Variants in DNAJC6 observed in about 807,000 individuals in gnomAD.
DNAJC6 encodes the protein auxilin.
A neutral mutation model predicts 110.0 loss-of-function variants in DNAJC6; 34 were observed. That is an observed-to-expected ratio of 0.31 (90% CI 0.24 to 0.41). The LOEUF (loss-of-function observed/expected upper bound fraction) is 0.41. Among genes scored for constraint, DNAJC6 ranks in the 10% least tolerant of loss-of-function variants. DNAJC6 has a pLI of 1.00. For synonymous variants in DNAJC6, 406 were observed against 437.2 expected (o/e 0.93, Z 0.89); for missense variants, 1,031 against 1,207.8 (o/e 0.85, Z 2.17).
At chr1:65,333,033 G>A (rs1226029290) in intron 1 of DNAJC6, among the ~76,000 whole-genome samples, 2 of 152,132 alleles carry the variant, frequency 1.3e-5, no homozygotes, top group African/African-American at 4.8e-5. Flanking sequence ...GCTTCCACTG[G>A]CCACAATCCA....
At chr1:65,351,959 T>C (rs1039570505) in intron 1 of DNAJC6, among the ~76,000 whole-genome samples, 2 of 151,950 alleles carry the variant, frequency 1.3e-5, no homozygotes, top group Non-Finnish European at 2.9e-5. Flanking sequence ...AGAGACGGGG[T>C]TTCACCATGT....
chr1:65,285,423 G>T (rs1232347617), intron 1 of DNAJC6, among the ~76,000 whole-genome samples: 1 of 152,106 alleles, frequency 6.6e-6, no homozygotes, highest in South Asian at 2.1e-4. Flanking sequence ...CTTTGTCAAA[G>T]ACCCTTTCCC....
At chr1:65,306,828 G>A (rs866237938), upstream of DNAJC6, among the ~76,000 whole-genome samples, 35 of 152,002 alleles carry the variant, frequency 2.3e-4, no homozygotes, top group Middle Eastern at 6.8e-3. Flanking sequence ...GATATCCCTG[G>A]AAAAAATAAT....
rs528962488 is a variant in DNAJC6, at chr1:65,412,872, T to G, written c.2812-52T>G. On this transcript the variant is annotated intron_variant, in intron 18 of 18. Transcript: ENST00000371069. Reference sequence around the variant, plus strand: ...ATATTGGCAGTGAAAAATTTAATATTAATGAAATTTTGGTCTGTGGTATCT... The same window carrying G: ...ATATTGGCAGTGAAAAATTTAATATGAATGAAATTTTGGTCTGTGGTATCT... The G allele has an allele frequency of 5.6e-6, 8 of 1,431,472 alleles. 1 individual carries two copies. The East Asian group carries it at 1.8e-4, about 33-fold the overall frequency. 88.7% of individuals were successfully genotyped at this position (1,431,472 alleles called of 1,614,324 possible).
At chr1:65,273,310 T>G (rs1653565371) in intron 1 of DNAJC6, among the ~76,000 whole-genome samples, 1 of 152,166 alleles carries the variant, frequency 6.6e-6, no homozygotes, top group African/African-American at 2.4e-5. Context: ...TTAATATCCT[T>G]TAAGCCGGCC....
At chr1:65,312,902 C>A (rs1645114300) in intron 1 of DNAJC6, among the ~76,000 whole-genome samples, 1 of 150,600 alleles carries the variant, frequency 6.6e-6, no homozygotes, top group South Asian at 2.1e-4. Flanking sequence ...CGGGTTCAGA[C>A]AATTCTTGTG....
At chr1:65,364,197 T>C (rs1043725087) in intron 1 of DNAJC6, among the ~76,000 whole-genome samples, 4 of 152,194 alleles carry the variant, frequency 2.6e-5, no homozygotes, top group Non-Finnish European at 4.4e-5. Flanking sequence ...ATTTTACAGC[T>C]ATAATTTCTT....
At chr1:65,352,272 G>A (rs758652855) in intron 1 of DNAJC6, among the ~76,000 whole-genome samples, 3 of 151,524 alleles carry the variant, frequency 2.0e-5, no homozygotes, top group African/African-American at 2.4e-5. Flanking sequence ...ATTGTCCAAG[G>A]GGGGCTTCCA....
intron 1 of DNAJC6, chr1:65,345,571 G>A (rs1307344520): frequency 1.3e-6 from 1 of 767,342 alleles, no homozygotes; most frequent in Non-Finnish European, 1.6e-6. Flanking sequence ...CAACACGCTA[G>A]TACTAAATAA....
At chr1:65,267,611 A>G (rs949768289) in intron 1 of DNAJC6, among the ~76,000 whole-genome samples, 2 of 152,136 alleles carry the variant, frequency 1.3e-5, no homozygotes, top group Non-Finnish European at 2.9e-5. Context: ...GAACACTGAA[A>G]TAAATCATAG....
At chr1:65,390,019 AT>A (rs1570363020) in intron 11 of DNAJC6, among the ~76,000 whole-genome samples, 1 of 152,146 alleles carries the variant, frequency 6.6e-6, no homozygotes, top group East Asian at 1.9e-4. Context: ...TCTCTAAAAA[AT>A]TTTTTAAAAG....
At chr1:65,273,835 A>G (rs1653582487) in intron 1 of DNAJC6, among the ~76,000 whole-genome samples, 1 of 152,080 alleles carries the variant, frequency 6.6e-6, no homozygotes, top group South Asian at 2.1e-4. Flanking sequence ...TAGTCAGAGA[A>G]TATATTTTGG....
rs1420904563 is a variant in DNAJC6, at chr1:65,405,750, A to G, written c.2228-120A>G. ...CAATTGCTTTATCTATATTAGGAAG[A>G]TTACTTATGCTGTCAGTCAAGGGAA... is the stretch of plus-strand genomic sequence containing the variant. On this transcript the variant is annotated intron_variant, in intron 15 of 18. Coordinates refer to ENST00000371069, the MANE Select transcript of DNAJC6 (RefSeq NM_001256864.2). The G allele has an allele frequency of 2.5e-6, 3 of 1,200,234 alleles. No homozygotes were observed. The African/African-American group carries it at 4.6e-5, about 18-fold the overall frequency. The allele number at this position is 1,200,234 out of a possible 1,614,324, so 74.3% of individuals were successfully genotyped here.
At chr1:65,379,265 G>T in intron 4 of DNAJC6, 137 bp from the exon 5 acceptor site, 6 of 1,020,890 alleles carry the variant, frequency 5.9e-6, no homozygotes, top group Non-Finnish European at 6.9e-6. Context: ...CATGCATTTG[G>T]ACCCTGTTCC....
chr1:65,293,696 A>C (rs759138210), intron 1 of DNAJC6, among the ~76,000 whole-genome samples: 2 of 152,200 alleles, frequency 1.3e-5, no homozygotes, highest in Non-Finnish European at 2.9e-5. Context: ...TACAAAAATA[A>C]ACATCTACTT....
intron 1 of DNAJC6, among the ~76,000 whole-genome samples, chr1:65,267,805 T>C (rs1653384187): frequency 6.6e-6 from 1 of 152,064 alleles, no homozygotes; most frequent in Middle Eastern, 3.2e-3. Flanking sequence ...GCCTAGTTCT[T>C]TGAGAGCAAA....
At chr1:65,301,569 G>A (rs1208916885) in intron 1 of DNAJC6, among the ~76,000 whole-genome samples, 1 of 152,080 alleles carries the variant, frequency 6.6e-6, no homozygotes, top group East Asian at 1.9e-4. Flanking sequence ...TTGCTGGAGC[G>A]GCTCACAGAA....
intron 5 of DNAJC6, 60 bp downstream of exon 5, chr1:65,379,584 G>A: frequency 6.3e-7 from 1 of 1,587,040 alleles, no homozygotes. Context: ...GGATGAGCCT[G>A]TACACAATGG....
chr1:65,349,091 A>ATAT (rs1553141946), intron 1 of DNAJC6, among the ~76,000 whole-genome samples: 1 of 135,860 alleles, frequency 7.4e-6, no homozygotes, highest in African/African-American at 2.8e-5. Flanking sequence ...TATATATGTA[A>ATAT]ATATATATAT....
Sources: allele counts gnomAD v4.1 joint callset (sites outside exome capture counted in the v4.1 genomes callset), GRCh38; gene constraint gnomAD v4.1.1; transcripts MANE v1.5; gene names NCBI Gene and HGNC (gene_info 2026-07-23, HGNC 2026-07-21).